Variants in EPN2 observed in about 807,000 individuals in gnomAD.
EPN2 encodes epsin-2.
A neutral mutation model predicts 61.7 loss-of-function variants in EPN2; 34 were observed. The observed-to-expected ratio is 0.55, with a 90% CI of 0.42 to 0.73. The LOEUF (loss-of-function observed/expected upper bound fraction) is 0.73, where lower values mean the gene tolerates loss of function less well. EPN2 is among the 30% of genes least tolerant of loss of function. The pLI is 0.00. For missense variants in EPN2, 714 were observed against 839.2 expected (o/e 0.85, Z 1.84); for synonymous variants, 349 against 353.6 (o/e 0.99, Z 0.15).
Position 19,285,709 on chromosome 17 carries a change from T to C in EPN2, c.685T>C (p.Phe229Leu), listed in dbSNP as rs2045397724. The C allele has an allele frequency of 1.2e-6, 2 of 1,603,018 alleles. No individual in the cohort carries two copies. The highest frequency in any genetic ancestry group is 1.3e-5 in the African/African-American group (1 of 74,738). Residue 229 changes from phenylalanine to leucine, a missense_variant, in exon 4 of 11, where the codon TTC (phenylalanine) becomes CTC (leucine). Physicochemically the swap from Phe to Leu is conservative, Grantham distance 22 (BLOSUM62 0). This residue lies in a region of EPN2 where 304 missense variants were observed against 417.4 expected (regional missense o/e 0.73). Coordinates refer to ENST00000314728, the MANE Select transcript of EPN2 (RefSeq NM_014964.5). This position sits in a 1 kb window ranked among gnomAD's most constrained non-coding sequence, Gnocchi z 4.5. ...GCAGCCACTGAGCCAGCGCCACCCCTTCCTGCCGCACCTGGGGCTGGCCTC... is the reference window on the plus strand; with the variant it reads ...GCAGCCACTGAGCCAGCGCCACCCCCTCCTGCCGCACCTGGGGCTGGCCTC... ...ELQPLSQRHPFLPHLGLASRP... is the reference protein window; with the variant it reads ...ELQPLSQRHPLLPHLGLASRP...
intron 1 of EPN2, among the ~76,000 whole-genome samples, chr17:19,261,038 G>C (rs2045135849): frequency 6.6e-6 from 1 of 152,244 alleles, no homozygotes; most frequent in Non-Finnish European, 1.5e-5. Context: ...TTTCCAGCTT[G>C]TTTCATGACA....
intron 1 of EPN2, among the ~76,000 whole-genome samples, chr17:19,254,088 C>T (rs1018437726): frequency 8.0e-5 from 12 of 149,312 alleles, no homozygotes; most frequent in African/African-American, 2.2e-4. Context: ...GCCATGATCA[C>T]GCCACCGTAC....
intron 1 of EPN2, among the ~76,000 whole-genome samples, chr17:19,247,682 G>A (rs1201005665): frequency 1.3e-5 from 2 of 151,776 alleles, no homozygotes; most frequent in African/African-American, 4.9e-5. Flanking sequence ...GCAGCCTTGG[G>A]GTTTGGTTTT....
rs368306460 is a variant in EPN2, at chr17:19,289,305, T to C, written c.766+3515T>C. Among the ~76,000 whole-genome samples the C allele has an allele frequency of 7.0e-4, 106 of 152,054 alleles. 1 individual carries two copies. The South Asian group carries it at 0.021, about 30-fold the overall frequency. On this transcript the variant is annotated intron_variant, in intron 4 of 10. Transcript: ENST00000314728. ...TTCATCATGTTAGCCAGGATGGTCT[T>C]GATCTCCTGACCCCGTGATCCGCCC...
chr17:19,257,527 T>C (rs1031980147), intron 1 of EPN2, among the ~76,000 whole-genome samples: 2 of 151,644 alleles, frequency 1.3e-5, no homozygotes, highest in Non-Finnish European at 2.9e-5. Flanking sequence ...CTCTCTCTTT[T>C]TTTTTTTTTT....
At chr17:19,269,867 A>G (rs2045236728) in intron 1 of EPN2, among the ~76,000 whole-genome samples, 1 of 152,214 alleles carries the variant, frequency 6.6e-6, no homozygotes, top group Non-Finnish European at 1.5e-5. Flanking sequence ...GCTGGAAAAC[A>G]GTTGTTTCCA....
chr17:19,290,720 A>AAG (rs72535842), intron 4 of EPN2, among the ~76,000 whole-genome samples: 23,273 of 106,104 alleles, frequency 0.22, 3,379 homozygotes, highest in East Asian at 0.63. Context: ...AAAAAAGAAA[A>AAG]AAAAAGAAAA....
chr17:19,283,691 G>A lies in EPN2; in HGVS notation c.572G>A (p.Gly191Asp), dbSNP rs1268264611. The change falls in exon 3 of 11, where the codon GGC becomes GAC. Residue 191 changes from glycine (G) to aspartate (D), a missense_variant. By Grantham distance (94) the Gly-to-Asp change is moderately conservative. Transcript: ENST00000314728. The surrounding 1 kb of genome is among the most constrained non-coding windows in gnomAD (Gnocchi z 7.0). ...HSEQEYGKAG[G>D]SPASYHGSPE... ...GAGCAGGAGTATGGCAAGGCCGGGG[G>A]CTCCCCGGCCTCCTACCATGGCTGT... 5 of 1,597,922 alleles carry A rather than the reference G, an allele frequency of 3.1e-6. No homozygotes were observed. The highest frequency in any genetic ancestry group is 4.3e-6 in the Non-Finnish European group (5 of 1,171,496).
rs58087532 is a variant in EPN2 at position 19,289,724 on chromosome 17, G to GT, written c.766+3954dup. 2.1e-3 allele frequency among the ~76,000 whole-genome samples: 162 copies of GT among 78,044 alleles called. 15 individuals are homozygous for GT. The highest frequency in any genetic ancestry group is 9.9e-3 in the Admixed American group (53 of 5,350). The allele number at this position is 78,044 out of a possible 152,430, so 51.2% of individuals were successfully genotyped here. On this transcript the variant is annotated intron_variant, in intron 4 of 10. Transcript: ENST00000314728. ...TGTTCGGCCTCACCTGGCGCTCATG[G>GT]TTTTTTTTTTTTTTTTTTTTGAGAT... is the stretch of plus-strand genomic sequence containing the variant.
chr17:19,255,813 G>A (rs998800229), intron 1 of EPN2, among the ~76,000 whole-genome samples: 1 of 151,828 alleles, frequency 6.6e-6, no homozygotes, highest in African/African-American at 2.4e-5. Flanking sequence ...TGTAGAGACA[G>A]GGTCTCATTT....
intron 1 of EPN2, among the ~76,000 whole-genome samples, chr17:19,258,602 C>T (rs1482147752): frequency 6.6e-6 from 1 of 152,196 alleles, no homozygotes; most frequent in Non-Finnish European, 1.5e-5. Context: ...GCCAATTCCT[C>T]AGGAAATGTG....
rs1196629034 is a variant in EPN2, at chr17:19,334,430, A to G, written c.*176A>G. On this transcript the variant is annotated 3_prime_UTR_variant, in exon 11 of 11. Coordinates refer to ENST00000314728, the MANE Select transcript of EPN2 (RefSeq NM_014964.5). The surrounding 1 kb of genome is among the most constrained non-coding windows in gnomAD (Gnocchi z 4.9). ...CCAACCCTCAGACCCTCGCCTTCCA[A>G]GGCAGGCCCCTCAGCCTGGCCTGCT... 1.5e-5 allele frequency: 7 copies of G among 472,024 alleles called. No individual in the cohort carries two copies. Among genetic ancestry groups the G allele is most frequent in the Non-Finnish European group, 2.5e-5 (7 of 284,550 alleles). The allele number at this position is 472,024 out of a possible 1,614,324, so 29.2% of individuals were successfully genotyped here.
intron 4 of EPN2, among the ~76,000 whole-genome samples, chr17:19,290,670 G>A (rs1241656487): frequency 8.0e-6 from 1 of 125,110 alleles, no homozygotes; most frequent in African/African-American, 3.2e-5. Context: ...AGTTCTTGGT[G>A]GGAGTTTAAC....
intron 1 of EPN2, among the ~76,000 whole-genome samples, chr17:19,265,822 T>A (rs150047656): frequency 2.0e-5 from 3 of 152,342 alleles, no homozygotes; most frequent in Non-Finnish European, 4.4e-5. Context: ...CTAAGTATGC[T>A]GCCTCCTGCC....
At chr17:19,257,569 A>G (rs2152206228) in intron 1 of EPN2, among the ~76,000 whole-genome samples, 1 of 149,872 alleles carries the variant, frequency 6.7e-6, no homozygotes, top group South Asian at 2.1e-4. Flanking sequence ...CCAGGCTGGA[A>G]TGCAATGGTG....
chr17:19,264,529 A>G (rs1490302796), intron 1 of EPN2, among the ~76,000 whole-genome samples: 1 of 152,202 alleles, frequency 6.6e-6, no homozygotes, highest in Non-Finnish European at 1.5e-5. Flanking sequence ...TTTCCATTTT[A>G]CAAATGAGGA....
At chr17:19,328,606 C>A in intron 7 of EPN2, 105 bp from the exon 8 acceptor site, 7 of 1,092,998 alleles carry the variant, frequency 6.4e-6, no homozygotes, top group Non-Finnish European at 7.8e-6. Context: ...TCACCTGGCA[C>A]AGGGCATAGA....
At position 19,283,046 on chromosome 17, in the gene EPN2, A is replaced by C; in HGVS notation, c.-74A>C. 9.8e-7 allele frequency: 1 copy of C among 1,018,194 alleles called. No homozygotes were observed. The highest frequency in any genetic ancestry group is 1.6e-5 in the South Asian group (1 of 60,990). 63.1% of individuals were successfully genotyped at this position (1,018,194 alleles called of 1,614,324 possible). On this transcript the variant is annotated 5_prime_UTR_variant, in exon 3 of 11. The change abolishes the stop of an existing upstream ORF in the 5' untranslated region. Coordinates refer to ENST00000314728, the MANE Select transcript of EPN2 (RefSeq NM_014964.5). This position sits in a 1 kb window ranked among gnomAD's most constrained non-coding sequence, Gnocchi z 7.0. ...TTGATTACGGAGACTGAACCTTCAT[A>C]GGGTGCGCACTTACCAAGGACAGGA...
intron 4 of EPN2, chr17:19,297,461 C>A (rs1158470682): frequency 6.6e-6 from 1 of 152,160 alleles, no homozygotes; most frequent in African/African-American, 2.4e-5. Context: ...TTCATGTGCT[C>A]ACTTTCTGCA....
Sources: allele counts gnomAD v4.1 joint callset (sites outside exome capture counted in the v4.1 genomes callset), GRCh38; gene constraint gnomAD v4.1.1; regional missense constraint gnomAD v4.1.1; non-coding constraint Gnocchi (gnomAD v3.1); transcripts MANE v1.5; gene names NCBI Gene and HGNC (gene_info 2026-07-23, HGNC 2026-07-21).